Variants in NCKAP5 observed in about 807,000 individuals in gnomAD.
NCKAP5 encodes the protein NCK associated protein 5.
In NCKAP5, 92 loss-of-function variants were observed where a neutral mutation model predicts 167.0. That is an observed-to-expected ratio of 0.55 (90% CI 0.47 to 0.66). The LOEUF (loss-of-function observed/expected upper bound fraction) is 0.66, where lower values mean the gene tolerates loss of function less well. Among genes scored for constraint, NCKAP5 ranks in the 30% least tolerant of loss-of-function variants. The pLI, the probability that NCKAP5 is intolerant of heterozygous loss-of-function variation, is 0.00. For synonymous variants in NCKAP5, 891 were observed against 877.4 expected (o/e 1.02, Z -0.27); for missense variants, 2,378 against 2,315.0 (o/e 1.03, Z -0.56).
At chr2:132,680,416 T>C (rs1476303497) in intron 19 of NCKAP5, among the ~76,000 whole-genome samples, 2 of 152,174 alleles carry the variant, frequency 1.3e-5, no homozygotes, top group African/African-American at 2.4e-5. Context: ...ATATTAACTA[T>C]ACTGCTGTCC....
At chr2:132,788,386 A>G (rs1277929542) in intron 13 of NCKAP5, among the ~76,000 whole-genome samples, 1 of 152,186 alleles carries the variant, frequency 6.6e-6, no homozygotes, top group Non-Finnish European at 1.5e-5. Context: ...CAATAATTGA[A>G]GCAACCTCAC....
At position 133,405,329 on chromosome 2, in the gene NCKAP5, A is replaced by ATACT. The variant is rs372030751; in HGVS notation, c.70-102223_70-102220dup. Among the ~76,000 whole-genome samples the ATACT allele has an allele frequency of 4.4e-3, 665 of 152,324 alleles. 5 individuals are homozygous for ATACT. The highest frequency in any genetic ancestry group is 0.015 in the African/African-American group (626 of 41,576). ...CTTGAACAAAGCTTATCTAATACAC[A>ATACT]TACTTTCTACATAAGGCACATCACA... On this transcript the variant is annotated intron_variant, in intron 3 of 19. Coordinates refer to ENST00000409261, the MANE Select transcript of NCKAP5 (RefSeq NM_207363.3).
intron 4 of NCKAP5, among the ~76,000 whole-genome samples, chr2:133,298,106 G>A (rs1680095572): frequency 1.3e-5 from 2 of 152,100 alleles, no homozygotes; most frequent in South Asian, 4.2e-4. Flanking sequence ...AAAACAATTT[G>A]GCTACAGTTG....
At chr2:132,681,900 G>C (rs374571964) in intron 19 of NCKAP5, among the ~76,000 whole-genome samples, 59 of 152,148 alleles carry the variant, frequency 3.9e-4, no homozygotes, top group African/African-American at 1.4e-3. Flanking sequence ...GAATTAAATG[G>C]GACTGCAAGC....
rs377583894 is a variant in NCKAP5 at position 132,785,388 on chromosome 2, G to A, written c.1423C>T (p.His475Tyr). 5 of 1,613,878 alleles carry A rather than the reference G, an allele frequency of 3.1e-6. No homozygotes were observed. The African/African-American group carries it at 6.7e-5, about 22-fold the overall frequency. ...GAAGGGTCATCGTCCGCATCAACGTGGGAATCTAGATCATAAACAAATGTC... is the reference window on the plus strand; with the variant it reads ...GAAGGGTCATCGTCCGCATCAACGTAGGAATCTAGATCATAAACAAATGTC... ...HKTFVYDLDS[H>Y]VDADDDPSTL... is the part of the protein sequence containing the mutation. The change falls in exon 14 of 20, where the codon CAC becomes TAC. Residue 475 changes from histidine (H) to tyrosine (Y), a missense_variant. His to Tyr is a moderately conservative substitution (Grantham distance 83). This residue lies in a region of NCKAP5 where 1,049 missense variants were observed against 1,023.4 expected (regional missense o/e 1.02). Coordinates refer to ENST00000409261, the MANE Select transcript of NCKAP5 (RefSeq NM_207363.3).
chr2:133,313,887 G>A (rs1385038236), intron 3 of NCKAP5, among the ~76,000 whole-genome samples: 2 of 152,156 alleles, frequency 1.3e-5, no homozygotes, highest in Admixed American at 1.3e-4. Flanking sequence ...TACTCTACAT[G>A]AAAGAATTTG....
At chr2:133,396,341 AAGCTGAACTC>A (rs1210427987) in intron 3 of NCKAP5, among the ~76,000 whole-genome samples, 1 of 152,112 alleles carries the variant, frequency 6.6e-6, no homozygotes. Flanking sequence ...TCTCCCAGCC[AAGCTGAACTC>A]AGCTCGTTTT....
chr2:132,920,771 G>GTGTGTATA lies in NCKAP5; in HGVS notation c.580-41856_580-41855insTATACACA, dbSNP rs1219401757. On this transcript the variant is annotated intron_variant, in intron 8 of 19. Coordinates refer to ENST00000409261, the MANE Select transcript of NCKAP5 (RefSeq NM_207363.3). ...TATATATATATGTATATATATGTAT[G>GTGTGTATA]TATATATATATATATATATATATAT... Among the ~76,000 whole-genome samples the GTGTGTATA allele has an allele frequency of 6.6e-4, 21 of 31,580 alleles. 2 individuals carry two copies. The highest frequency in any genetic ancestry group is 1.5e-3 in the South Asian group (1 of 660). 20.7% of individuals were successfully genotyped at this position (31,580 alleles called of 152,430 possible).
chr2:133,400,294 TA>T (rs375233140), intron 3 of NCKAP5, among the ~76,000 whole-genome samples: 13 of 150,626 alleles, frequency 8.6e-5, no homozygotes, highest in Non-Finnish European at 1.8e-4. Flanking sequence ...GCTGCCCCCC[TA>T]AAAAAAAAGA....
chr2:132,941,364 G>A (rs1697282628), intron 8 of NCKAP5, among the ~76,000 whole-genome samples: 1 of 152,136 alleles, frequency 6.6e-6, no homozygotes, highest in East Asian at 1.9e-4. Context: ...GTTTTAGGCA[G>A]TGCCTACCCT....
chr2:133,665,105 C>T, the NCKAP5 span, among the ~76,000 whole-genome samples: 1 of 152,184 alleles, frequency 6.6e-6, no homozygotes, highest in Non-Finnish European at 1.5e-5. Flanking sequence ...AAAACTTTCT[C>T]CATAACAGCA....
At chr2:132,780,301 A>G (rs1039618887) in intron 15 of NCKAP5, among the ~76,000 whole-genome samples, 3 of 152,012 alleles carry the variant, frequency 2.0e-5, no homozygotes, top group Non-Finnish European at 2.9e-5. Flanking sequence ...GCAGGCGCCC[A>G]CCACCATGCC....
intron 4 of NCKAP5, among the ~76,000 whole-genome samples, chr2:133,297,224 G>A (rs1337128780): frequency 6.7e-6 from 1 of 149,536 alleles, no homozygotes; most frequent in Admixed American, 6.7e-5. Context: ...AAATCAAGCA[G>A]GGAGATACAG....
chr2:133,249,998 T>TTTATTATTATGATTA (rs1553601548), intron 4 of NCKAP5, among the ~76,000 whole-genome samples: 2 of 138,226 alleles, frequency 1.4e-5, no homozygotes, highest in African/African-American at 5.4e-5. Context: ...CACCAAGGGT[T>TTTATTATTATGATTA]TTATTATTAT....
chr2:133,253,515 G>T (rs1233710199), intron 4 of NCKAP5, among the ~76,000 whole-genome samples: 6 of 152,152 alleles, frequency 3.9e-5, no homozygotes, highest in Non-Finnish European at 8.8e-5. Context: ...ACCACCCAAG[G>T]CTTCCTTTCA....
chr2:132,685,580 A>G (rs1361635061), intron 19 of NCKAP5, among the ~76,000 whole-genome samples: 1 of 152,194 alleles, frequency 6.6e-6, no homozygotes, highest in Non-Finnish European at 1.5e-5. Context: ...CCGTCTCTCA[A>G]CAACCTAGAA....
At chr2:132,817,943 CTTTA>C in intron 11 of NCKAP5, among the ~76,000 whole-genome samples, 1 of 152,174 alleles carries the variant, frequency 6.6e-6, no homozygotes, top group South Asian at 2.1e-4. Flanking sequence ...ATGTTAAATT[CTTTA>C]TTTATTTATT....
chr2:132,821,367 G>A (rs955262005), intron 11 of NCKAP5, among the ~76,000 whole-genome samples: 1 of 152,034 alleles, frequency 6.6e-6, no homozygotes, highest in African/African-American at 2.4e-5. Context: ...AGTGAGAAGT[G>A]CCTTGAACGC....
At chr2:133,429,514 G>GT (rs1234232882) in intron 3 of NCKAP5, among the ~76,000 whole-genome samples, 1 of 151,926 alleles carries the variant, frequency 6.6e-6, no homozygotes, top group Non-Finnish European at 1.5e-5. Flanking sequence ...GTTCCCAGCT[G>GT]TATGTCTGTG....
Sources: allele counts gnomAD v4.1 joint callset (sites outside exome capture counted in the v4.1 genomes callset), GRCh38; gene constraint gnomAD v4.1.1; regional missense constraint gnomAD v4.1.1; transcripts MANE v1.5; gene names NCBI Gene and HGNC (gene_info 2026-07-23, HGNC 2026-07-21).